Variants in CDH17 observed in about 807,000 individuals in gnomAD.
CDH17 encodes the protein cadherin 17.
Under a neutral mutation model 86.3 loss-of-function variants are expected in CDH17, and 67 were observed. The ratio of observed to expected loss-of-function variants is 0.78; its 90% confidence interval spans 0.64 to 0.95. The LOEUF (loss-of-function observed/expected upper bound fraction) is 0.95, where lower values mean the gene tolerates loss of function less well. CDH17 is among the 40% of genes least tolerant of loss of function. The pLI is 0.00. For synonymous variants in CDH17, 367 were observed against 366.4 expected, an observed-to-expected ratio of 1.00 and a Z score of -0.02; for missense variants, 993 against 1,017.6, an observed-to-expected ratio of 0.98 and a Z score of 0.33.
intron 1 of CDH17, chr8:94,201,997 G>T: frequency 4.6e-6 from 1 of 216,700 alleles, no homozygotes; most frequent in Admixed American, 5.0e-5. Context: ...GAATAGCTTT[G>T]AGTTTTGGTA....
chr8:94,181,408 A>G (rs1157861201), intron 3 of CDH17, among the ~76,000 whole-genome samples: 6 of 152,178 alleles, frequency 3.9e-5, no homozygotes, highest in African/African-American at 1.2e-4. Flanking sequence ...ATGTTAGACC[A>G]TAAGCGAGTC....
chr8:94,137,516 A>T (rs999314100), intron 15 of CDH17, among the ~76,000 whole-genome samples: 1 of 152,066 alleles, frequency 6.6e-6, no homozygotes, highest in African/African-American at 2.4e-5. Flanking sequence ...TTTGGGTGGG[A>T]GTGTCCTGTT....
At chr8:94,160,254 A>C (rs1813026212) in intron 11 of CDH17, 92 bp from the exon 12 acceptor site, 1 of 989,500 alleles carries the variant, frequency 1.0e-6, no homozygotes, top group East Asian at 2.5e-5. Context: ...GAATAGACAC[A>C]AGTCATAGTT....
intron 17 of CDH17, among the ~76,000 whole-genome samples, chr8:94,128,832 T>G (rs573249738): frequency 5.4e-4 from 83 of 152,298 alleles, no homozygotes; most frequent in Non-Finnish European, 7.8e-4. Context: ...CGCATTTCCT[T>G]GGGCGCCTTC....
intron 3 of CDH17, among the ~76,000 whole-genome samples, chr8:94,188,735 T>A (rs1196295757): frequency 1.3e-5 from 2 of 152,188 alleles, no homozygotes; most frequent in African/African-American, 2.4e-5. Context: ...ATGGCCCACA[T>A]GGGGGCTCAG....
intron 10 of CDH17, 116 bp from the exon 11 acceptor site, chr8:94,162,278 A>G: frequency 1.4e-6 from 1 of 695,144 alleles, no homozygotes; most frequent in African/African-American, 1.8e-5. Context: ...CAATTTTGCA[A>G]TTGACATGCA....
chr8:94,128,661 G>C (rs1010466783), intron 17 of CDH17, among the ~76,000 whole-genome samples: 5 of 152,162 alleles, frequency 3.3e-5, no homozygotes, highest in Non-Finnish European at 5.9e-5. Context: ...ACTATAGAGT[G>C]TATAAGCACC....
chr8:94,162,022 C>T, intron 11 of CDH17, 64 bp downstream of exon 11: 2 of 1,045,876 alleles, frequency 1.9e-6, no homozygotes, highest in South Asian at 2.6e-5. Flanking sequence ...TGTCTCTATC[C>T]CAGAAGAAAG....
chr8:94,159,649 T>C (rs1813011290), intron 12 of CDH17, among the ~76,000 whole-genome samples: 2 of 152,196 alleles, frequency 1.3e-5, no homozygotes, highest in African/African-American at 4.8e-5. Flanking sequence ...AAACAAGTTT[T>C]TAGTATAAGT....
chr8:94,145,786 C>A, intron 15 of CDH17, 142 bp downstream of exon 15: 1 of 895,168 alleles, frequency 1.1e-6, no homozygotes. Context: ...GAGTCCTTCC[C>A]TGTACAAGCT....
chr8:94,148,797 A>G lies in CDH17; in HGVS notation c.1874T>C (p.Leu625Ser). Residue 625 changes from leucine to serine, a missense_variant, in exon 14 of 18, where the codon TTG becomes TCG. Coordinates refer to ENST00000027335, the MANE Select transcript of CDH17 (RefSeq NM_004063.4). ...ATATGGACTTCCGGCTTCTCTGTCC[A>G]ATGGAGCCACACTAAAGATCTCACC... ...VTGEIFSVAPLDREAGSPYRV... is the reference protein window; with the variant it reads ...VTGEIFSVAPSDREAGSPYRV... The G allele has an allele frequency of 4.4e-6, 7 of 1,601,938 alleles. No individual in the cohort carries two copies. Among genetic ancestry groups the G allele is most frequent in the Non-Finnish European group, 5.9e-6 (7 of 1,176,668 alleles).
intron 2 of CDH17, among the ~76,000 whole-genome samples, chr8:94,190,815 T>C (rs1813673842): frequency 6.6e-6 from 1 of 152,234 alleles, no homozygotes; most frequent in Non-Finnish European, 1.5e-5. Flanking sequence ...GCCATCAATA[T>C]GCCAGTGATC....
intron 5 of CDH17, among the ~76,000 whole-genome samples, chr8:94,176,169 T>C (rs1351621840): frequency 2.0e-5 from 3 of 152,118 alleles, no homozygotes; most frequent in Admixed American, 1.3e-4. Context: ...CCTCCCAAAG[T>C]ACTGGGATTT....
rs985484586 is a variant in CDH17, at chr8:94,154,366, T to C, written c.1552-2254A>G. Among the ~76,000 whole-genome samples, 12 of 152,324 alleles carry C rather than the reference T, an allele frequency of 7.9e-5. No homozygotes were observed. The East Asian group carries it at 1.7e-3, about 22-fold the overall frequency. On this transcript the variant is annotated intron_variant, in intron 12 of 17. Coordinates refer to ENST00000027335, the MANE Select transcript of CDH17 (RefSeq NM_004063.4). ...CATTTATTCAACAGAAATGTATTGA[T>C]TCTCCCAAGACATTCTCAGGTGACA...
Position 94,176,527 on chromosome 8 carries a change from C to T in CDH17, c.424+14G>A, listed in dbSNP as rs775151367. 58 of 1,612,854 alleles carry T rather than the reference C, an allele frequency of 3.6e-5. No homozygotes were observed. Among genetic ancestry groups the T allele is most frequent in the Non-Finnish European group, 4.9e-5 (58 of 1,179,302 alleles). On this transcript the variant is annotated intron_variant, in intron 5 of 17. Transcript: ENST00000027335. Reference sequence around the variant, plus strand: ...TCCATCTTTCCATAAATATCTCTGGCCCCTGCCTGTTACCTGGGCGAGAGT... The same window carrying T: ...TCCATCTTTCCATAAATATCTCTGGTCCCTGCCTGTTACCTGGGCGAGAGT...
At chr8:94,216,172 G>A (rs1202627603) in intron 1 of CDH17, among the ~76,000 whole-genome samples, 1 of 152,160 alleles carries the variant, frequency 6.6e-6, no homozygotes, top group African/African-American at 2.4e-5. Context: ...TCCCACTCAG[G>A]ATTACATTGG....
intron 15 of CDH17, among the ~76,000 whole-genome samples, chr8:94,134,026 G>C (rs1453185673): frequency 1.3e-5 from 2 of 152,196 alleles, no homozygotes; most frequent in East Asian, 1.9e-4. Flanking sequence ...TGTTGGATAA[G>C]CTTTTTGATG....
chr8:94,147,842 G>C (rs1812774909), intron 14 of CDH17, among the ~76,000 whole-genome samples: 2 of 152,178 alleles, frequency 1.3e-5, no homozygotes, highest in Non-Finnish European at 2.9e-5. Context: ...GGGCTTTTCT[G>C]TCTTTCCTTT....
At chr8:94,197,865 T>C (rs1813818676) in intron 1 of CDH17, among the ~76,000 whole-genome samples, 1 of 151,148 alleles carries the variant, frequency 6.6e-6, no homozygotes, top group Non-Finnish European at 1.5e-5. Flanking sequence ...AAGAAAAAGT[T>C]TGTGCTCCTA....
Sources: gnomAD v4.1 joint callset for allele counts (sites outside exome capture counted in the v4.1 genomes callset) on GRCh38, gnomAD v4.1.1 for gene constraint, MANE v1.5 for transcripts, NCBI Gene and HGNC (gene_info 2026-07-23, HGNC 2026-07-21) for gene names.